Variants in HLCS observed in about 807,000 individuals in gnomAD.
HLCS encodes biotin--protein ligase.
In HLCS, 53 loss-of-function variants were observed where a neutral mutation model predicts 75.0. The observed-to-expected ratio is 0.71, with a 90% CI of 0.57 to 0.89. The LOEUF is 0.89. Among genes scored for constraint, HLCS ranks in the 40% least tolerant of loss-of-function variants. The probability of loss-of-function intolerance (pLI) is 0.00; values close to 1 mark genes in which losing one functional copy is unlikely to be tolerated. For synonymous variants in HLCS, 431 were observed against 428.6 expected (o/e 1.01, Z -0.07); for missense variants, 966 against 1,074.0 (o/e 0.90, Z 1.41).
At chr21:36,794,483 G>T (rs1218728569) in intron 6 of HLCS, among the ~76,000 whole-genome samples, 1 of 152,156 alleles carries the variant, frequency 6.6e-6, no homozygotes. Flanking sequence ...CAGTGGGATT[G>T]GAGAGGAACA....
rs566483983 is a variant in HLCS, at chr21:36,816,277, T to G, written c.1893-48992A>C. ...GGCCAGACATGGTGCATGCCTGTAG[T>G]CCCAGCTCCTCAGGAGGCTGGGGTG... is the stretch of plus-strand genomic sequence containing the variant. On this transcript the variant is annotated intron_variant, in intron 6 of 10. Transcript: ENST00000674895. Among the ~76,000 whole-genome samples the G allele has an allele frequency of 1.2e-3, 186 of 152,116 alleles. 1 individual carries two copies. The highest frequency in any genetic ancestry group is 4.2e-3 in the African/African-American group (174 of 41,488).
chr21:36,826,974 G>A (rs2062027084), intron 6 of HLCS, among the ~76,000 whole-genome samples: 1 of 152,134 alleles, frequency 6.6e-6, no homozygotes, highest in African/African-American at 2.4e-5. Flanking sequence ...ACAAAGAAGA[G>A]CAGAAAAAAA....
At chr21:36,868,755 G>A (rs897722744) in intron 6 of HLCS, among the ~76,000 whole-genome samples, 1 of 152,154 alleles carries the variant, frequency 6.6e-6, no homozygotes, top group Non-Finnish European at 1.5e-5. Context: ...CCCACGGAGC[G>A]TTGTACCGTA....
At chr21:36,876,189 G>C (rs911214489) in intron 6 of HLCS, among the ~76,000 whole-genome samples, 3 of 152,160 alleles carry the variant, frequency 2.0e-5, no homozygotes, top group Non-Finnish European at 2.9e-5. Context: ...GATCCAGGCT[G>C]AGAGTGCGAG....
At chr21:36,847,916 T>C (rs2062852651) in intron 6 of HLCS, among the ~76,000 whole-genome samples, 1 of 152,216 alleles carries the variant, frequency 6.6e-6, no homozygotes, top group African/African-American at 2.4e-5. Flanking sequence ...TTTATTTACT[T>C]TTCGAAAACA....
intron 6 of HLCS, among the ~76,000 whole-genome samples, chr21:36,831,075 G>C (rs947350175): frequency 1.3e-5 from 2 of 152,080 alleles, no homozygotes; most frequent in African/African-American, 4.8e-5. Context: ...TTAACTATTA[G>C]TTTTGTATAA....
chr21:36,828,401 A>ATGAATGAG lies in HLCS; in HGVS notation c.1893-61117_1893-61116insCTCATTCA, dbSNP rs1555903595. Among the ~76,000 whole-genome samples, 239 of 149,664 alleles carry ATGAATGAG rather than the reference A, an allele frequency of 1.6e-3. 2 individuals carry two copies. The highest frequency in any genetic ancestry group is 5.7e-3 in the African/African-American group (231 of 40,480). On this transcript the variant is annotated intron_variant, in intron 6 of 10. Transcript: ENST00000674895. ...AATGAATGAATGAATGAATGAATGA[A>ATGAATGAG]TGAGTGAATAAATGGTTATACTTCA...
At chr21:36,839,922 A>T (rs990210483) in intron 6 of HLCS, among the ~76,000 whole-genome samples, 2 of 152,246 alleles carry the variant, frequency 1.3e-5, no homozygotes, top group African/African-American at 4.8e-5. Context: ...TAATAACAAA[A>T]GTGTTATGTA....
At position 36,750,162 on chromosome 21, in the gene HLCS, T is replaced by G. The variant is rs1305803227; in HGVS notation, c.*4084A>C. ...TAAGCTGGGGATAGCGTTTCTTGAC[T>G]TCTGTGAGGCTCCGGCAGGGGAAGA... On this transcript the variant is annotated 3_prime_UTR_variant, in exon 11 of 11. Coordinates refer to ENST00000674895, the MANE Select transcript of HLCS (RefSeq NM_001352514.2). Among the ~76,000 whole-genome samples the G allele has an allele frequency of 6.6e-6, 1 of 152,208 alleles. No homozygotes were observed. Among genetic ancestry groups the G allele is most frequent in the Non-Finnish European group, 1.5e-5 (1 of 68,030 alleles).
intron 9 of HLCS, among the ~76,000 whole-genome samples, chr21:36,758,590 C>A (rs898719349): frequency 6.6e-6 from 1 of 152,136 alleles, no homozygotes. Context: ...GCTTACCCCA[C>A]GCTGATAACA....
intron 6 of HLCS, among the ~76,000 whole-genome samples, chr21:36,889,387 AT>A (rs1459642757): frequency 6.6e-6 from 1 of 152,216 alleles, no homozygotes; most frequent in Non-Finnish European, 1.5e-5. Flanking sequence ...GTATAAGTCA[AT>A]CAAAAAAGAC....
intron 6 of HLCS, among the ~76,000 whole-genome samples, chr21:36,829,327 C>G (rs749350322): frequency 7.2e-5 from 11 of 152,156 alleles, no homozygotes; most frequent in Non-Finnish European, 1.0e-4. Flanking sequence ...CACCCTTTAC[C>G]TTGTCAAATG....
intron 5 of HLCS, among the ~76,000 whole-genome samples, chr21:36,913,043 C>T (rs1396613711): frequency 6.6e-6 from 1 of 152,192 alleles, no homozygotes; most frequent in Non-Finnish European, 1.5e-5. Flanking sequence ...CCATCCACTG[C>T]CAAGCACTGC....
rs188504113 is a variant in HLCS at position 36,935,040 on chromosome 21, T to C, written c.1437+1409A>G. On this transcript the variant is annotated intron_variant, in intron 4 of 10. Transcript: ENST00000674895. The stretch of plus-strand genomic sequence containing the variant: ...TAAATGGTGCAGCAAGCAGATTTGC[T>C]ATGTAACTCGGAGAAATGGATCACA... Among the ~76,000 whole-genome samples, 790 of 152,352 alleles carry C rather than the reference T, an allele frequency of 5.2e-3. 1 individual carries two copies. The highest frequency in any genetic ancestry group is 7.5e-3 in the Non-Finnish European group (509 of 68,030).
In HLCS at chr21:36,750,957, G is replaced by A. The variant is rs1195081439; in HGVS notation, c.*3289C>T. On this transcript the variant is annotated 3_prime_UTR_variant, in exon 11 of 11. Coordinates refer to ENST00000674895, the MANE Select transcript of HLCS (RefSeq NM_001352514.2). ...TTGCTTTGGAGTTTTGTTAACTTTC[G>A]TTCTTTGGAGTAATAATATTTCTCT... is the stretch of plus-strand genomic sequence containing the variant. 2.0e-5 allele frequency: 3 copies of A among 150,664 alleles called. No individual in the cohort carries two copies. The highest frequency in any genetic ancestry group is 3.9e-4 in the East Asian group (2 of 5,150). 9.3% of individuals were successfully genotyped at this position (150,664 alleles called of 1,614,324 possible).
intron 6 of HLCS, among the ~76,000 whole-genome samples, chr21:36,768,776 T>C (rs1481263223): frequency 6.6e-6 from 1 of 152,228 alleles, no homozygotes; most frequent in Non-Finnish European, 1.5e-5. Context: ...TGAGATCGAG[T>C]GTGCTGTATG....
chr21:36,958,939 G>C (rs2068121871), intron 2 of HLCS, among the ~76,000 whole-genome samples: 2 of 152,212 alleles, frequency 1.3e-5, no homozygotes, highest in Admixed American at 1.3e-4. Context: ...TTAAGTATTA[G>C]TGATGACAGC....
chr21:36,938,741 C>T (rs1480362417), intron 3 of HLCS, 91 bp downstream of exon 3: 35 of 1,329,160 alleles, frequency 2.6e-5, no homozygotes, highest in African/African-American at 1.2e-4. Context: ...GGGCTCCAAG[C>T]GATCCTCCTG....
intron 4 of HLCS, among the ~76,000 whole-genome samples, chr21:36,931,230 C>A (rs1051027943): frequency 1.5e-5 from 2 of 131,130 alleles, no homozygotes; most frequent in Non-Finnish European, 3.1e-5. Flanking sequence ...TTGCGGTGAG[C>A]TGAGATAGCT....
Sources: allele counts gnomAD v4.1 joint callset (sites outside exome capture counted in the v4.1 genomes callset), GRCh38; gene constraint gnomAD v4.1.1; transcripts MANE v1.5; gene names NCBI Gene and HGNC (gene_info 2026-07-23, HGNC 2026-07-21).